The following IFT140 variants were observed in gnomAD, a reference collection of about 807,000 sequenced individuals.
IFT140 encodes the protein intraflagellar transport 140, also known as intraflagellar transport protein 140 homolog.
Under a neutral mutation model 164.6 loss-of-function variants are expected in IFT140, and 133 were observed. The observed-to-expected ratio is 0.81, with a 90% CI of 0.70 to 0.93. IFT140 has a LOEUF of 0.93. IFT140 is among the 40% of genes least tolerant of loss of function. The pLI, the probability that IFT140 is intolerant of heterozygous loss-of-function variation, is 0.00. For synonymous variants in IFT140, 860 were observed against 817.3 expected (o/e 1.05, Z -0.89); for missense variants, 2,045 against 1,972.3 (o/e 1.04, Z -0.70).
intron 30 of IFT140, among the ~76,000 whole-genome samples, chr16:1,513,549 C>G (rs2040239583): frequency 6.6e-6 from 1 of 152,150 alleles, no homozygotes; most frequent in Non-Finnish European, 1.5e-5. Flanking sequence ...CAGCACGACT[C>G]CTGTGAGAGC....
chr16:1,529,440 C>T (rs1451641433), intron 19 of IFT140, among the ~76,000 whole-genome samples: 1 of 152,262 alleles, frequency 6.6e-6, no homozygotes. Flanking sequence ...TTCCTGGACG[C>T]TCAGTCGGCG....
chr16:1,566,033 T>C, intron 16 of IFT140, 128 bp downstream of exon 16: 1 of 810,096 alleles, frequency 1.2e-6, no homozygotes, highest in Non-Finnish European at 2.0e-6. Context: ...GTTTTCCTCT[T>C]TCTTTTTCCT....
chr16:1,547,782 C>T (rs2032296927), intron 19 of IFT140, among the ~76,000 whole-genome samples: 1 of 152,190 alleles, frequency 6.6e-6, no homozygotes, highest in Non-Finnish European at 1.5e-5. Flanking sequence ...GTGATCCACC[C>T]ACCTTGGCCT....
At chr16:1,560,705 C>T (rs1312279830) in intron 18 of IFT140, among the ~76,000 whole-genome samples, 1 of 152,226 alleles carries the variant, frequency 6.6e-6, no homozygotes, top group African/African-American at 2.4e-5. Flanking sequence ...AGTTTAAATG[C>T]TCCCTCGACC....
At position 1,553,505 on chromosome 16, in the gene IFT140, G is replaced by A. The variant is rs369693219; in HGVS notation, c.2399+4430C>T. On this transcript the variant is annotated intron_variant, in intron 19 of 30. Transcript: ENST00000426508. This position sits in a 1 kb window ranked among gnomAD's most constrained non-coding sequence, Gnocchi z 4.4. ...GACAGCAGTGGGGCTCGGCGTGGCCGGAGCCTGGGGAGGGACATGGACAAG... is the reference window on the plus strand; with the variant it reads ...GACAGCAGTGGGGCTCGGCGTGGCCAGAGCCTGGGGAGGGACATGGACAAG... 3.4e-5 allele frequency: 34 copies of A among 992,018 alleles called. No homozygotes were observed. The East Asian group carries it at 6.5e-4, about 19-fold the overall frequency. The allele number at this position is 992,018 out of a possible 1,614,324, so 61.5% of individuals were successfully genotyped here. A position where few individuals can be genotyped will look rare whatever the true frequency, so the allele number is the denominator to read the frequency against.
chr16:1,597,358 G>A (rs2035517286), intron 4 of IFT140, among the ~76,000 whole-genome samples: 1 of 152,220 alleles, frequency 6.6e-6, no homozygotes, highest in Admixed American at 6.5e-5. Context: ...GGCCCGAGCT[G>A]GACTTTGAGG....
intron 19 of IFT140, among the ~76,000 whole-genome samples, chr16:1,535,134 C>T (rs946784258): frequency 6.6e-6 from 1 of 152,084 alleles, no homozygotes; most frequent in African/African-American, 2.4e-5. Context: ...TGGCTTTGTT[C>T]TCACGGTTGT....
At position 1,553,949 on chromosome 16, in the gene IFT140, G is replaced by A. The variant is rs1035592195; in HGVS notation, c.2399+3986C>T. ...GCTCCTCAAAGATAAAACTGTAAGT[G>A]AAACTGTAGCATCAGCGACTAACTA... On this transcript the variant is annotated intron_variant, in intron 19 of 30. Coordinates refer to ENST00000426508, the MANE Select transcript of IFT140 (RefSeq NM_014714.4). This position sits in a 1 kb window ranked among gnomAD's most constrained non-coding sequence, Gnocchi z 4.4. 7.8e-7 allele frequency: 1 copy of A among 1,286,806 alleles called. No homozygotes were observed. The highest frequency in any genetic ancestry group is 1.0e-6 in the Non-Finnish European group (1 of 988,356). 79.7% of individuals were successfully genotyped at this position (1,286,806 alleles called of 1,614,324 possible).
intron 15 of IFT140, among the ~76,000 whole-genome samples, chr16:1,566,778 C>T (rs958618804): frequency 6.6e-6 from 1 of 152,130 alleles, no homozygotes; most frequent in Non-Finnish European, 1.5e-5. Context: ...TTGGGTCTTC[C>T]CGTCAGTGTT....
At chr16:1,567,106 G>C (rs1387539849) in intron 15 of IFT140, among the ~76,000 whole-genome samples, 1 of 152,044 alleles carries the variant, frequency 6.6e-6, no homozygotes, top group Non-Finnish European at 1.5e-5. Flanking sequence ...TGGCTGCAAA[G>C]GTTAGAAACA....
At chr16:1,559,948 G>T (rs1206147848) in intron 18 of IFT140, among the ~76,000 whole-genome samples, 1 of 152,244 alleles carries the variant, frequency 6.6e-6, no homozygotes, top group African/African-American at 2.4e-5. Flanking sequence ...GTGGACGCAT[G>T]CGGGAAGGTG....
rs2235638 is a variant in IFT140, at chr16:1,523,889, G to T, written c.3209C>A (p.Ala1070Glu). 6.2e-7 allele frequency: 1 copy of T among 1,613,320 alleles called. No individual in the cohort carries two copies. Among genetic ancestry groups the T allele is most frequent in the Admixed American group, 1.7e-5 (1 of 59,946 alleles). ...GCCCTTCTCCTCGTAGTATCGGGCCGCCTCGATCATGTCCTCGGGGGAGCT... is the reference window on the plus strand; with the variant it reads ...GCCCTTCTCCTCGTAGTATCGGGCCTCCTCGATCATGTCCTCGGGGGAGCT... ...LLSSPEDMIE[A>E]ARYYEEKGVQ... The change falls in exon 25 of 31, where the codon GCG becomes GAG. Residue 1070 changes from alanine to glutamate, a missense_variant. By Grantham distance (107) the Ala-to-Glu change is moderately radical (BLOSUM62 -1). Coordinates refer to ENST00000426508, the MANE Select transcript of IFT140 (RefSeq NM_014714.4).
At chr16:1,597,409 G>A (rs556316556) in intron 4 of IFT140, among the ~76,000 whole-genome samples, 1 of 152,198 alleles carries the variant, frequency 6.6e-6, no homozygotes, top group East Asian at 1.9e-4. Flanking sequence ...AGCAGGAGCA[G>A]GCCGTCCTAA....
chr16:1,586,958 C>T (rs936405600), intron 9 of IFT140, among the ~76,000 whole-genome samples: 1 of 152,200 alleles, frequency 6.6e-6, no homozygotes, highest in Admixed American at 6.5e-5. Context: ...CCTCCCTCCT[C>T]AGCCTCCCCA....
intron 19 of IFT140, chr16:1,555,375 T>C (rs1713318652): frequency 8.1e-6 from 2 of 245,966 alleles, no homozygotes; most frequent in Non-Finnish European, 1.6e-5. Context: ...ATTCTGCATC[T>C]GCTGAGAGGG....
chr16:1,535,739 G>A (rs981934320), intron 19 of IFT140, among the ~76,000 whole-genome samples: 5 of 152,226 alleles, frequency 3.3e-5, no homozygotes, highest in African/African-American at 1.2e-4. Flanking sequence ...CAACCCCCTT[G>A]TCCACTCAAA....
chr16:1,566,160 C>A lies in IFT140; in HGVS notation c.1901+1G>T, dbSNP rs375910993. ...AAAATCCTCCTGAACCACAATCTTA[C>A]TTATTAGTCTCTTGCTCATTAAAGG... On this transcript the variant is annotated splice_donor_variant, in intron 16 of 30. Coordinates refer to ENST00000426508, the MANE Select transcript of IFT140 (RefSeq NM_014714.4). LOFTEE classifies it high-confidence loss of function. The A allele has an allele frequency of 8.1e-6, 13 of 1,612,190 alleles. No individual in the cohort carries two copies. The highest frequency in any genetic ancestry group is 1.1e-5 in the Non-Finnish European group (13 of 1,179,060).
At chr16:1,526,523 G>T in intron 20 of IFT140, 96 bp downstream of exon 20, 2 of 1,258,784 alleles carry the variant, frequency 1.6e-6, no homozygotes, top group Non-Finnish European at 2.1e-6. Context: ...ATCAGTGCAG[G>T]CTCAGGCCGG....
rs763569081 is a variant in IFT140, at chr16:1,562,112, T to A, written c.2072A>T (p.Asp691Val). The A allele has an allele frequency of 5.0e-6, 8 of 1,596,714 alleles. No homozygotes were observed. Among genetic ancestry groups the A allele is most frequent in the South Asian group, 1.1e-5 (1 of 87,630 alleles). Residue 691 changes from aspartate (D) to valine (V), a missense_variant, in exon 18 of 31, where the codon GAT becomes GTT. Coordinates refer to ENST00000426508, the MANE Select transcript of IFT140 (RefSeq NM_014714.4). Reference sequence around the variant, plus strand: ...AATGAAGAAGGACAGGATCAAAACATCTGCCTGGGAGAGAAAGAAAAGTAC... The same window carrying A: ...AATGAAGAAGGACAGGATCAAAACAACTGCCTGGGAGAGAAAGAAAAGTAC... ...PQDGRAGPAA[D>V]VLILSFFISE...
Sources: gnomAD v4.1 joint callset for allele counts (sites outside exome capture counted in the v4.1 genomes callset) on GRCh38, gnomAD v4.1.1 for gene constraint, Gnocchi (gnomAD v3.1) non-coding constraint, MANE v1.5 for transcripts, NCBI Gene and HGNC (gene_info 2026-07-23, HGNC 2026-07-21) for gene names.